Variants in ADAMTS19 observed in about 807,000 individuals in gnomAD.
The protein encoded by ADAMTS19 is ADAM metallopeptidase with thrombospondin type 1 motif 19, also known as A disintegrin and metalloproteinase with thrombospondin motifs 19.
In ADAMTS19, 93 loss-of-function variants were observed where a neutral mutation model predicts 153.3. The ratio of observed to expected loss-of-function variants is 0.61; its 90% CI spans 0.51 to 0.72. ADAMTS19 has a LOEUF of 0.72. ADAMTS19 is among the 30% of genes least tolerant of loss of function. The pLI is 0.00. For missense variants in ADAMTS19, 1,482 were observed against 1,552.1 expected (o/e 0.95, Z 0.76); for synonymous variants, 600 against 556.6 (o/e 1.08, Z -1.10).
chr5:129,636,927 A>G lies in ADAMTS19; in HGVS notation c.1771-4932A>G, dbSNP rs150781102. ...AGAAGCAACTTTGGGGCAGATCTAT[A>G]GAAGGTAAACACTCAGTGTTTGTTT... On this transcript the variant is annotated intron_variant, in intron 10 of 22. Transcript: ENST00000274487. 5.4e-3 allele frequency among the ~76,000 whole-genome samples: 825 copies of G among 152,322 alleles called. 6 individuals are homozygous for G. Among genetic ancestry groups the G allele is most frequent in the African/African-American group, 0.018 (765 of 41,556 alleles).
chr5:129,537,850 A>C (rs975739322), intron 6 of ADAMTS19, among the ~76,000 whole-genome samples: 2 of 152,088 alleles, frequency 1.3e-5, no homozygotes, highest in African/African-American at 2.4e-5. Flanking sequence ...TGGGTACAGC[A>C]CACCAACATG....
At chr5:129,683,707 G>A (rs1392638173) in intron 17 of ADAMTS19, among the ~76,000 whole-genome samples, 1 of 151,416 alleles carries the variant, frequency 6.6e-6, no homozygotes, top group Non-Finnish European at 1.5e-5. Context: ...TAGATTGTGG[G>A]TCACACCTTG....
chr5:129,482,620 A>G (rs1331486766), intron 2 of ADAMTS19, among the ~76,000 whole-genome samples: 1 of 152,230 alleles, frequency 6.6e-6, no homozygotes, highest in Non-Finnish European at 1.5e-5. Context: ...GTTATCATAC[A>G]TGTTTGCAAA....
chr5:129,486,066 C>T (rs1395602853), intron 2 of ADAMTS19, among the ~76,000 whole-genome samples: 1 of 152,182 alleles, frequency 6.6e-6, no homozygotes, highest in Non-Finnish European at 1.5e-5. Context: ...GCTGGGATTA[C>T]AGACGTAAGC....
intron 3 of ADAMTS19, among the ~76,000 whole-genome samples, chr5:129,517,690 T>G (rs1172755893): frequency 6.6e-6 from 1 of 152,040 alleles, no homozygotes; most frequent in Non-Finnish European, 1.5e-5. Flanking sequence ...AGGTGAAGTG[T>G]GTTTCTTGTA....
chr5:129,645,948 G>C (rs1350347206), intron 11 of ADAMTS19, among the ~76,000 whole-genome samples: 2 of 137,050 alleles, frequency 1.5e-5, no homozygotes, highest in African/African-American at 2.7e-5. Context: ...GAGTGCAGTG[G>C]CGGGATCTCG....
intron 11 of ADAMTS19, among the ~76,000 whole-genome samples, chr5:129,646,695 T>C (rs543665770): frequency 3.7e-4 from 56 of 152,282 alleles, no homozygotes; most frequent in Admixed American, 2.6e-3. Flanking sequence ...ATTTTAGAAA[T>C]GAGCAAGCTG....
At chr5:129,647,971 T>A in intron 12 of ADAMTS19, 76 bp downstream of exon 12, 1 of 1,491,926 alleles carries the variant, frequency 6.7e-7, no homozygotes, top group Non-Finnish European at 9.1e-7. Flanking sequence ...TAAAGCATGT[T>A]GGAAAGCAAA....
chr5:129,688,527 T>G (rs751427719), intron 18 of ADAMTS19, among the ~76,000 whole-genome samples: 49 of 151,472 alleles, frequency 3.2e-4, no homozygotes, highest in Non-Finnish European at 6.2e-4. Flanking sequence ...CAAACTAAAC[T>G]TATTTCAAAT....
intron 3 of ADAMTS19, among the ~76,000 whole-genome samples, chr5:129,510,740 G>C (rs1751413349): frequency 6.6e-6 from 1 of 151,582 alleles, no homozygotes; most frequent in Non-Finnish European, 1.5e-5. Flanking sequence ...CACAAAGCAG[G>C]CTCTGTATGC....
rs141723275 is a variant in ADAMTS19 at position 129,636,210 on chromosome 5, A to G, written c.1771-5649A>G. Among the ~76,000 whole-genome samples, 513 of 152,252 alleles carry G rather than the reference A, an allele frequency of 3.4e-3. 3 individuals are homozygous for G. Among genetic ancestry groups the G allele is most frequent in the African/African-American group, 0.012 (495 of 41,578 alleles). ...CCATGCTTGGCCAAAAGTTAAATTT[A>G]AAACAAAAAGTATGTTGCCTTGGTT... is the stretch of plus-strand genomic sequence containing the variant. On this transcript the variant is annotated intron_variant, in intron 10 of 22. Coordinates refer to ENST00000274487, the MANE Select transcript of ADAMTS19 (RefSeq NM_133638.6).
intron 3 of ADAMTS19, among the ~76,000 whole-genome samples, chr5:129,521,504 G>GT (rs1253926816): frequency 6.6e-6 from 1 of 152,080 alleles, no homozygotes; most frequent in East Asian, 1.9e-4. Flanking sequence ...AAGTAGAAAA[G>GT]TAAGTTTTTG....
At chr5:129,541,793 C>T (rs1168638915) in intron 6 of ADAMTS19, among the ~76,000 whole-genome samples, 1 of 151,994 alleles carries the variant, frequency 6.6e-6, no homozygotes, top group African/African-American at 2.4e-5. Flanking sequence ...AGGCAGTACA[C>T]TACACAACAG....
intron 6 of ADAMTS19, among the ~76,000 whole-genome samples, chr5:129,539,492 C>CA (rs1393788926): frequency 2.6e-5 from 4 of 151,970 alleles, no homozygotes; most frequent in African/African-American, 9.7e-5. Context: ...TGACTTCTGA[C>CA]AAGATAACAA....
chr5:129,576,633 C>T (rs1194445988), intron 7 of ADAMTS19, among the ~76,000 whole-genome samples: 1 of 151,182 alleles, frequency 6.6e-6, no homozygotes, highest in African/African-American at 2.4e-5. Flanking sequence ...AATAGCCCCT[C>T]CTAACCTCTC....
chr5:129,536,989 G>A (rs1371704033), intron 6 of ADAMTS19, among the ~76,000 whole-genome samples: 4 of 151,926 alleles, frequency 2.6e-5, no homozygotes, highest in Admixed American at 6.6e-5. Flanking sequence ...CAGTGCACCA[G>A]CATGGCACAT....
chr5:129,537,206 C>T (rs1325959620), intron 6 of ADAMTS19, among the ~76,000 whole-genome samples: 2 of 152,058 alleles, frequency 1.3e-5, no homozygotes, highest in African/African-American at 2.4e-5. Context: ...CAGAGAAATG[C>T]AAATCAAAAC....
intron 7 of ADAMTS19, among the ~76,000 whole-genome samples, chr5:129,577,268 T>C (rs1749176132): frequency 6.6e-6 from 1 of 152,162 alleles, no homozygotes; most frequent in African/African-American, 2.4e-5. Context: ...TTTATTCACC[T>C]AAATATTTTT....
At chr5:129,681,642 C>T (rs1754818693) in intron 17 of ADAMTS19, among the ~76,000 whole-genome samples, 1 of 152,122 alleles carries the variant, frequency 6.6e-6, no homozygotes, top group African/African-American at 2.4e-5. Flanking sequence ...ATTAGTCACT[C>T]TTCTATGCTA....
Sources: gnomAD v4.1 joint callset for allele counts (sites outside exome capture counted in the v4.1 genomes callset) on GRCh38, gnomAD v4.1.1 for gene constraint, MANE v1.5 for transcripts, NCBI Gene and HGNC (gene_info 2026-07-23, HGNC 2026-07-21) for gene names.